The following SDS variants were observed in gnomAD, a reference collection of about 807,000 sequenced individuals.
SDS encodes L-serine dehydratase/L-threonine deaminase.
In SDS, 19 loss-of-function variants were observed where a neutral mutation model predicts 29.3. The ratio of observed to expected loss-of-function variants is 0.65; its 90% CI spans 0.45 to 0.95. The LOEUF (loss-of-function observed/expected upper bound fraction) is 0.95, where lower values mean the gene tolerates loss of function less well. Among genes scored for constraint, SDS ranks in the 40% least tolerant of loss-of-function variants. The pLI, the probability that SDS is intolerant of heterozygous loss-of-function variation, is 0.00. For missense variants in SDS, 375 were observed against 439.9 expected (o/e 0.85, Z 1.32); for synonymous variants, 176 against 189.0 (o/e 0.93, Z 0.56).
Position 113,398,786 on chromosome 12 carries a change from A to G in SDS, c.254T>C (p.Ile85Thr). The stretch of plus-strand genomic sequence containing the variant: ...AGCAGGTGTGGTGCTGGGCACCACG[A>G]TGGTGGCGGGGACGCCGAGTTGCCT... ...AARQLGVPAT[I>T]VVPSTTPALT... The change falls in exon 4 of 8, where the codon ATC (isoleucine) becomes ACC (threonine). Residue 85 changes from isoleucine (I) to threonine (T), a missense_variant. Coordinates refer to ENST00000257549, the MANE Select transcript of SDS (RefSeq NM_006843.3). 6.2e-7 allele frequency: 1 copy of G among 1,613,946 alleles called. No homozygotes were observed. Among genetic ancestry groups the G allele is most frequent in the South Asian group, 1.1e-5 (1 of 91,076 alleles).
chr12:113,403,017 T>G (rs1345846199), intron 1 of SDS, among the ~76,000 whole-genome samples: 1 of 152,178 alleles, frequency 6.6e-6, no homozygotes. Context: ...CAGGTCATCC[T>G]TTCACCGTCA....
rs767980590 is a variant in SDS at position 113,399,580 on chromosome 12, C to T, written c.129G>A (p.Arg43=). The T allele has an allele frequency of 6.2e-7, 1 of 1,600,040 alleles. No homozygotes were observed. The highest frequency in any genetic ancestry group is 8.5e-7 in the Non-Finnish European group (1 of 1,174,970). The change falls in exon 2 of 8, where the codon CGG becomes CGA. Residue 43 remains arginine, a synonymous_variant. Transcript: ENST00000257549. ...SAQPSGSFKI[R]GIGHFCKRWA... ...CCCTCTTGCAGAAGTGCCCAATGCC[C>T]CGGATCTTGAAGGAGCCGGAGGGCT...
intron 1 of SDS, among the ~76,000 whole-genome samples, chr12:113,402,507 G>C (rs1957690109): frequency 6.7e-6 from 1 of 149,008 alleles, no homozygotes; most frequent in Admixed American, 6.6e-5. Flanking sequence ...TGGGCAGGCT[G>C]GTCTCGAACT....
intron 1 of SDS, among the ~76,000 whole-genome samples, chr12:113,400,581 C>G (rs923350268): frequency 6.6e-6 from 1 of 151,970 alleles, no homozygotes; most frequent in African/African-American, 2.4e-5. Context: ...ACACGATCCA[C>G]TCCCACACAC....
chr12:113,398,675 C>A (rs1957664294), intron 4 of SDS, 32 bp downstream of exon 4: 1 of 1,609,404 alleles, frequency 6.2e-7, no homozygotes, highest in Non-Finnish European at 8.5e-7. Flanking sequence ...ACCAGGCGCC[C>A]TCTCTCTTCC....
At chr12:113,393,193 A>C in intron 7 of SDS, 44 bp from the exon 8 acceptor site, 3 of 1,577,230 alleles carry the variant, frequency 1.9e-6, no homozygotes, top group Non-Finnish European at 2.6e-6. Flanking sequence ...TGAGTTTCCC[A>C]GGGTGCACAG....
chr12:113,396,901 AG>A (rs1957650233), intron 6 of SDS: 1 of 525,174 alleles, frequency 1.9e-6, no homozygotes, highest in East Asian at 3.0e-5. Flanking sequence ...AGCCACCCAA[AG>A]TGCTGGGATT....
rs751933861 is a variant in SDS at position 113,393,925 on chromosome 12, G to A, written c.745C>T (p.Gln249Ter). Residue 249 changes from glutamine to a stop codon, truncating the protein, a stop_gained, in exon 7 of 8, where the codon CAG (glutamine) becomes TAG (stop). Transcript: ENST00000257549. LOFTEE classifies it high-confidence loss of function. The stretch of plus-strand genomic sequence containing the variant: ...TTCTCAATGGCGGCCACAGCCTCCT[G>A]GTCCGAGATAACTTCAGAGAAAATG... Reference protein sequence around the residue: ...HPIFSEVISDQEAVAAIEKFV... With the variant: ...HPIFSEVISD 9.9e-6 allele frequency: 16 copies of A among 1,614,162 alleles called. No homozygotes were observed. The South Asian group carries it at 1.6e-4, about 17-fold the overall frequency.
At chr12:113,403,689 C>T (rs1476621404) in intron 1 of SDS, 79 bp downstream of exon 1, 1 of 152,284 alleles carries the variant, frequency 6.6e-6, no homozygotes, top group Non-Finnish European at 1.5e-5. Context: ...CTTTCTATGT[C>T]TCCCTCTTCC....
rs1957652521 is a variant in SDS, at chr12:113,397,223, G to A, written c.595C>T (p.His199Tyr). Residue 199 changes from histidine (H) to tyrosine (Y), a missense_variant, in exon 6 of 8, where the codon CAC becomes TAC. His to Tyr is a moderately conservative substitution (Grantham distance 83). Coordinates refer to ENST00000257549, the MANE Select transcript of SDS (RefSeq NM_006843.3). ...GCGGTGGTGGCAGCGTGGAAGCTGT[G>A]GGCACCAAAAGTCTCCATGGCGATG... ...PVIAMETFGA[H>Y]SFHAATTAGK... 1.9e-6 allele frequency: 3 copies of A among 1,614,158 alleles called. No homozygotes were observed.
chr12:113,398,632 G>C (rs1179361693), intron 4 of SDS, 26 bp from the exon 5 acceptor site: 1 of 1,599,618 alleles, frequency 6.3e-7, no homozygotes, highest in African/African-American at 1.3e-5. Context: ...GGAGATAGGA[G>C]GGGGTGAGGC....
rs561374253 is a variant in SDS, at chr12:113,393,054, G to A, written c.874C>T (p.Arg292Ter). Residue 292 changes from arginine (R) to a stop codon, truncating the protein, a stop_gained, in exon 8 of 8, where the codon CGA becomes TGA. Transcript: ENST00000257549. LOFTEE classifies it high-confidence loss of function. ...ACCACGAGGGATGGCAGCGGGGTTC[G>A]GAGATTCCCCTCCAGTTGGAGCTTC... is the stretch of plus-strand genomic sequence containing the variant. ...IQKLQLEGNL[R>*]TPLPSLVVIV... is the part of the protein sequence containing the mutation. 8.1e-6 allele frequency: 13 copies of A among 1,614,104 alleles called. No individual in the cohort carries two copies. Among genetic ancestry groups the A allele is most frequent in the African/African-American group, 1.3e-5 (1 of 74,944 alleles).
chr12:113,400,177 C>T (rs770691050), intron 1 of SDS, among the ~76,000 whole-genome samples: 15 of 152,130 alleles, frequency 9.9e-5, no homozygotes, highest in Non-Finnish European at 1.6e-4. Flanking sequence ...CCTGTAACCC[C>T]AGCTACTTAG....
At chr12:113,398,685 C>T in intron 4 of SDS, 22 bp downstream of exon 4, 1 of 1,612,454 alleles carries the variant, frequency 6.2e-7, no homozygotes, top group Non-Finnish European at 8.5e-7. Flanking sequence ...CTCTCTCTTC[C>T]TTGCCCTGGG....
In SDS at chr12:113,399,722, G is replaced by A; in HGVS notation, c.-2-12C>T. ...TCCAGACATCATTCCTGGGAGAAAG[G>A]AAGGAAACCCAGAGGGTTAGGAGAG... On this transcript the variant is annotated splice_polypyrimidine_tract_variant and intron_variant, in intron 1 of 7. Transcript: ENST00000257549. 6.4e-7 allele frequency: 1 copy of A among 1,557,042 alleles called. No individual in the cohort carries two copies. The highest frequency in any genetic ancestry group is 1.2e-5 in the South Asian group (1 of 84,170).
intron 6 of SDS, among the ~76,000 whole-genome samples, chr12:113,395,379 C>G (rs1957638389): frequency 6.6e-6 from 1 of 152,198 alleles, no homozygotes; most frequent in Admixed American, 6.5e-5. Flanking sequence ...ATGCCAGGCT[C>G]AGGAATCTGG....
chr12:113,398,486 C>A (rs757227508), intron 5 of SDS, 29 bp downstream of exon 5: 2 of 1,468,764 alleles, frequency 1.4e-6, no homozygotes, highest in South Asian at 1.2e-5. Context: ...GGCTGCCACC[C>A]CCACCAAGTG....
At chr12:113,402,507 G>T (rs1957690109) in intron 1 of SDS, among the ~76,000 whole-genome samples, 1 of 149,008 alleles carries the variant, frequency 6.7e-6, no homozygotes, top group Admixed American at 6.6e-5. Context: ...TGGGCAGGCT[G>T]GTCTCGAACT....
intron 1 of SDS, 121 bp from the exon 2 acceptor site, chr12:113,399,831 C>T: frequency 1.0e-6 from 1 of 985,416 alleles, no homozygotes. Flanking sequence ...AGAGAGCATC[C>T]TGGAGACCTG....
Sources: allele counts gnomAD v4.1 joint callset (sites outside exome capture counted in the v4.1 genomes callset), GRCh38; gene constraint gnomAD v4.1.1; transcripts MANE v1.5; gene names NCBI Gene and HGNC (gene_info 2026-07-23, HGNC 2026-07-21).